The following PITPNA variants were observed in gnomAD, a reference collection of about 807,000 sequenced individuals.
PITPNA encodes phosphatidylinositol transfer protein alpha, also known as phosphatidylinositol transfer protein alpha isoform.
In PITPNA, 13 loss-of-function variants were observed where a neutral mutation model predicts 50.3. The ratio of observed to expected loss-of-function variants is 0.26; its 90% CI spans 0.17 to 0.41. The LOEUF is 0.41. Among genes scored for constraint, PITPNA ranks in the 10% least tolerant of loss-of-function variants. PITPNA has a pLI of 1.00. For synonymous variants in PITPNA, 120 were observed against 119.6 expected (o/e 1.00, Z -0.02); for missense variants, 207 against 333.4 (o/e 0.62, Z 2.95).
At chr17:1,547,181 G>A (rs572705477) in intron 4 of PITPNA, among the ~76,000 whole-genome samples, 20 of 140,560 alleles carry the variant, frequency 1.4e-4, no homozygotes, top group Non-Finnish European at 2.7e-4. Context: ...GCAACATGGT[G>A]AGACCCCATC....
At chr17:1,551,862 C>T (rs2075711344) in intron 3 of PITPNA, among the ~76,000 whole-genome samples, 2 of 152,004 alleles carry the variant, frequency 1.3e-5, no homozygotes, top group East Asian at 1.9e-4. Context: ...GTCCTGGACC[C>T]TCTGGCGAGG....
intron 10 of PITPNA, among the ~76,000 whole-genome samples, chr17:1,530,821 T>C (rs2075577291): frequency 6.6e-6 from 1 of 152,166 alleles, no homozygotes. Context: ...AGTAGCTAAT[T>C]TGCAGAGCAG....
intron 9 of PITPNA, among the ~76,000 whole-genome samples, chr17:1,534,824 C>G (rs1024286156): frequency 2.4e-4 from 36 of 152,184 alleles, no homozygotes; most frequent in Non-Finnish European, 3.2e-4. Flanking sequence ...CATGTGGTGT[C>G]CCTGGAAGGA....
intron 7 of PITPNA, 57 bp downstream of exon 7, chr17:1,538,812 C>G (rs1319017094): frequency 9.6e-7 from 1 of 1,041,504 alleles, no homozygotes; most frequent in South Asian, 1.3e-5. Flanking sequence ...GTTTCTTTAG[C>G]ATTGAGAAGT....
intron 6 of PITPNA, among the ~76,000 whole-genome samples, chr17:1,539,776 G>A (rs149845247): frequency 6.6e-5 from 10 of 152,326 alleles, no homozygotes; most frequent in South Asian, 2.1e-4. Flanking sequence ...TTGCTGCGAC[G>A]CCCAGGCTGG....
chr17:1,530,359 G>C (rs1481954652), intron 10 of PITPNA, among the ~76,000 whole-genome samples: 1 of 147,470 alleles, frequency 6.8e-6, no homozygotes, highest in Non-Finnish European at 1.5e-5. Flanking sequence ...AAGTTGGGGA[G>C]AAAGAGAGAG....
In PITPNA at chr17:1,551,854, C is replaced by T. The variant is rs144529042; in HGVS notation, c.197+1150G>A. Among the ~76,000 whole-genome samples the T allele has an allele frequency of 3.0e-4, 45 of 151,996 alleles. No individual in the cohort carries two copies. The South Asian group carries it at 4.2e-3, about 14-fold the overall frequency. On this transcript the variant is annotated intron_variant, in intron 3 of 11. Coordinates refer to ENST00000313486, the MANE Select transcript of PITPNA (RefSeq NM_006224.4). ...TCTCCTCGCACCCCGGCACTGAGGT[C>T]CTGGACCCTCTGGCGAGGAGACTGG...
intron 3 of PITPNA, among the ~76,000 whole-genome samples, chr17:1,549,108 A>G (rs868094958): frequency 1.3e-5 from 2 of 151,772 alleles, no homozygotes; most frequent in African/African-American, 4.8e-5. Context: ...GGGTTTCACC[A>G]TGTTGGCCAG....
intron 6 of PITPNA, among the ~76,000 whole-genome samples, chr17:1,540,828 G>A (rs377401994): frequency 1.3e-5 from 2 of 152,054 alleles, no homozygotes; most frequent in East Asian, 1.9e-4. Context: ...CTCGTGATCC[G>A]CCTGCCTCGG....
intron 9 of PITPNA, among the ~76,000 whole-genome samples, 176 bp from the exon 10 acceptor site, chr17:1,534,397 C>T (rs75018043): frequency 1.3e-3 from 191 of 152,238 alleles, no homozygotes; most frequent in African/African-American, 3.8e-3. Context: ...TTTGCCTTCA[C>T]GTGTCTAACA....
At chr17:1,561,719 C>A (rs2075769135) in intron 1 of PITPNA, among the ~76,000 whole-genome samples, 1 of 152,162 alleles carries the variant, frequency 6.6e-6, no homozygotes, top group Non-Finnish European at 1.5e-5. Flanking sequence ...CGGCCCGCAT[C>A]TCAGCCCCCT....
intron 10 of PITPNA, among the ~76,000 whole-genome samples, chr17:1,521,910 TGG>T (rs1293835920): frequency 7.3e-6 from 1 of 137,528 alleles, no homozygotes; most frequent in Admixed American, 7.7e-5. Flanking sequence ...GAGGTGTGTG[TGG>T]GGGGGTCTTC....
In PITPNA at chr17:1,558,787, C is replaced by T. The variant is rs182893566; in HGVS notation, c.21-228G>A. Among the ~76,000 whole-genome samples, 45 of 118,974 alleles carry T rather than the reference C, an allele frequency of 3.8e-4. 1 individual carries two copies. The highest frequency in any genetic ancestry group is 7.2e-4 in the Non-Finnish European group (40 of 55,622). The allele number at this position is 118,974 out of a possible 152,430, so 78.1% of individuals were successfully genotyped here. On this transcript the variant is annotated intron_variant, in intron 1 of 11. Transcript: ENST00000313486. The stretch of plus-strand genomic sequence containing the variant: ...TGACAACACCCCCCCCCCGCCCCCC[C>T]CCCCAGAGAATGGCCCTCTTAGTGC...
chr17:1,521,553 C>A, intron 11 of PITPNA, 26 bp downstream of exon 11: 1 of 1,529,314 alleles, frequency 6.5e-7, no homozygotes, highest in Non-Finnish European at 9.1e-7. Flanking sequence ...GTCTGTGACA[C>A]GCACAGTGAG....
intron 7 of PITPNA, chr17:1,535,810 C>T (rs905619204): frequency 5.1e-6 from 2 of 391,430 alleles, no homozygotes; most frequent in African/African-American, 4.1e-5. Flanking sequence ...GACTTTCAAC[C>T]TGGGGTGAGC....
chr17:1,538,800 T>C, intron 7 of PITPNA, 69 bp downstream of exon 7: 2 of 921,082 alleles, frequency 2.2e-6, no homozygotes, highest in Middle Eastern at 2.2e-4. Context: ...TATGGTTTCC[T>C]GGTTTCTTTA....
chr17:1,543,391 G>A (rs1371127381), intron 4 of PITPNA, among the ~76,000 whole-genome samples: 1 of 152,106 alleles, frequency 6.6e-6, no homozygotes, highest in Middle Eastern at 3.2e-3. Flanking sequence ...CCCTACCCCA[G>A]CCTCTACCTC....
At chr17:1,561,648 T>C (rs540451223) in intron 1 of PITPNA, among the ~76,000 whole-genome samples, 1 of 152,210 alleles carries the variant, frequency 6.6e-6, no homozygotes, top group Non-Finnish European at 1.5e-5. Context: ...CAAGCAGTCA[T>C]CCCAAGCTTG....
chr17:1,554,390 ATTTTTTTTTTTTTTT>A (rs61238602), intron 2 of PITPNA, among the ~76,000 whole-genome samples: 4 of 66,094 alleles, frequency 6.1e-5, no homozygotes, highest in Non-Finnish European at 5.8e-5. Flanking sequence ...GTGTTTCTCT[ATTTTTTTTTTTTTTT>A]TTTTTTTTTT....
Sources: allele counts gnomAD v4.1 joint callset (sites outside exome capture counted in the v4.1 genomes callset), GRCh38; gene constraint gnomAD v4.1.1; transcripts MANE v1.5; gene names NCBI Gene and HGNC (gene_info 2026-07-23, HGNC 2026-07-21).